Variants in HPR observed in about 807,000 individuals in gnomAD.
HPR encodes Haptoglobin-related locus.
A neutral mutation model predicts 18.5 loss-of-function variants in HPR; 17 were observed. That is an observed-to-expected ratio of 0.92 (90% CI 0.63 to 1.38). HPR has a LOEUF of 1.38. Ranked by LOEUF, HPR falls within the 40% of genes most tolerant of loss-of-function variation. The pLI is 0.00. For missense variants in HPR, 457 were observed against 432.4 expected (o/e 1.06, Z -0.51); for synonymous variants, 176 against 165.0 (o/e 1.07, Z -0.51).
In HPR at chr16:72,073,836, A is replaced by G. The variant is rs1428505251; in HGVS notation, c.6-56A>G. 1.9e-6 allele frequency: 3 copies of G among 1,611,818 alleles called. No homozygotes were observed. In the Admixed American group the frequency reaches 5.0e-5, roughly 27 times the overall value. On this transcript the variant is annotated intron_variant, in intron 1 of 4. Coordinates refer to ENST00000540303, the MANE Select transcript of HPR (RefSeq NM_020995.4). ...CATGCCTGTGTGTGTGGATGCATGC[A>G]TGTGCTGTGAAGCAGGGAGACCAGC... is the stretch of plus-strand genomic sequence containing the variant.
At chr16:72,069,793 T>C (rs758168011) in intron 1 of HPR, among the ~76,000 whole-genome samples, 2 of 152,220 alleles carry the variant, frequency 1.3e-5, no homozygotes, top group Non-Finnish European at 2.9e-5. Flanking sequence ...AAGTGTTCAA[T>C]TAATTATACT....
At chr16:72,063,338 A>T in intron 1 of HPR, 78 bp downstream of exon 1, 1 of 1,388,728 alleles carries the variant, frequency 7.2e-7, no homozygotes, top group South Asian at 1.4e-5. Flanking sequence ...GTACAGATGC[A>T]GAAATAGAAC....
intron 1 of HPR, 52 bp from the exon 2 acceptor site, chr16:72,073,840 G>A: frequency 6.2e-7 from 1 of 1,612,340 alleles, no homozygotes; most frequent in Non-Finnish European, 8.5e-7. Context: ...GCATGCATGT[G>A]CTGTGAAGCA....
rs2041725591 is a variant in HPR at position 72,076,473 on chromosome 16, T to C, written c.439T>C (p.Phe147Leu). ...GCTGCTGACCACGGCTAAAAATCTC[T>C]TCCTGAACCATTCAGAAAATGCAAC... is the stretch of plus-strand genomic sequence containing the variant. ...QWLLTTAKNLFLNHSENATAK... is the reference protein window; with the variant it reads ...QWLLTTAKNLLLNHSENATAK... Residue 147 changes from phenylalanine (F) to leucine (L), a missense_variant, in exon 5 of 5, where the codon TTC becomes CTC. Transcript: ENST00000540303. The C allele has an allele frequency of 3.7e-6, 6 of 1,613,736 alleles. No homozygotes were observed. Among genetic ancestry groups the C allele is most frequent in the African/African-American group, 1.3e-5 (1 of 74,946 alleles).
At chr16:72,075,262 C>T in intron 4 of HPR, 43 bp downstream of exon 4, 2 of 1,126,090 alleles carry the variant, frequency 1.8e-6, no homozygotes, top group Middle Eastern at 3.0e-4. Context: ...AGGCAGGCGT[C>T]CAGCGGGGAA....
chr16:72,076,235 T>C (rs1338733869), intron 4 of HPR, 68 bp from the exon 5 acceptor site: 1 of 1,594,252 alleles, frequency 6.3e-7, no homozygotes, highest in Non-Finnish European at 8.6e-7. Flanking sequence ...GCCAATGCTT[T>C]CACCCCTTTC....
Position 72,076,729 on chromosome 16 carries a change from T to C in HPR, c.695T>C (p.Phe232Ser), listed in dbSNP as rs1390902783. Residue 232 changes from phenylalanine (F) to serine (S), a missense_variant, in exon 5 of 5, where the codon TTT becomes TCT. Transcript: ENST00000540303. ...TCTGGCTGGGGACAAAGTGACAACTTTAAACTTACTGACCATCTGAAGTAT... is the reference window on the plus strand; with the variant it reads ...TCTGGCTGGGGACAAAGTGACAACTCTAAACTTACTGACCATCTGAAGTAT... The part of the protein sequence containing the change: ...YVSGWGQSDN[F>S]KLTDHLKYVM... 1 of 1,614,026 alleles carries C rather than the reference T, an allele frequency of 6.2e-7. No individual in the cohort carries two copies.
rs750573141 is a variant in HPR at position 72,076,382 on chromosome 16, C to T, written c.348C>T (p.Pro116=). The T allele has an allele frequency of 6.2e-7, 1 of 1,614,146 alleles. No homozygotes were observed. Among genetic ancestry groups the T allele is most frequent in the East Asian group, 2.2e-5 (1 of 44,854 alleles). The change falls in exon 5 of 5, where the codon CCC becomes CCT. Residue 116 remains proline, a synonymous_variant. Transcript: ENST00000540303. ...ACCTGGATGCCAAAGGCAGCTTTCC[C>T]TGGCAGGCTAAGATGGTTTCCCACC... ...GGHLDAKGSF[P]WQAKMVSHHN... is the part of the protein sequence containing the mutation.
chr16:72,073,666 A>C, intron 1 of HPR: 1 of 1,413,148 alleles, frequency 7.1e-7, no homozygotes, highest in Non-Finnish European at 9.3e-7. Flanking sequence ...GTATGCTCAG[A>C]AGCAGCTAAA....
intron 3 of HPR, 24 bp from the exon 4 acceptor site, chr16:72,075,121 C>T (rs1263277551): frequency 4.6e-6 from 4 of 871,570 alleles, no homozygotes; most frequent in African/African-American, 1.6e-5. Flanking sequence ...TTTCCTTTGG[C>T]TCATTTCTTG....
intron 1 of HPR, among the ~76,000 whole-genome samples, chr16:72,064,239 A>G (rs2041573974): frequency 6.6e-6 from 1 of 152,234 alleles, no homozygotes; most frequent in Non-Finnish European, 1.5e-5. Flanking sequence ...ACAAAATACT[A>G]GAAATAACCA....
At chr16:72,072,180 G>A (rs1363409892) in intron 1 of HPR, among the ~76,000 whole-genome samples, 1 of 151,996 alleles carries the variant, frequency 6.6e-6, no homozygotes, top group African/African-American at 2.4e-5. Flanking sequence ...GGCTAATTTT[G>A]TATTTTTAGT....
chr16:72,066,579 T>C (rs2041600678), intron 1 of HPR, among the ~76,000 whole-genome samples: 1 of 152,150 alleles, frequency 6.6e-6, no homozygotes, highest in Non-Finnish European at 1.5e-5. Flanking sequence ...AAGCATTTGA[T>C]ATACAACAGG....
intron 1 of HPR, among the ~76,000 whole-genome samples, chr16:72,066,413 T>C (rs774596301): frequency 6.6e-6 from 1 of 152,134 alleles, no homozygotes; most frequent in African/African-American, 2.4e-5. Flanking sequence ...ACCCTCCTGG[T>C]CAAAACGTTC....
intron 4 of HPR, among the ~76,000 whole-genome samples, 153 bp from the exon 5 acceptor site, chr16:72,076,150 A>G (rs189392035): frequency 6.6e-6 from 1 of 152,222 alleles, no homozygotes; most frequent in Non-Finnish European, 1.5e-5. Flanking sequence ...TAAAACTGCA[A>G]CTATTGGAAA....
At chr16:72,069,571 G>A (rs372073899) in intron 1 of HPR, among the ~76,000 whole-genome samples, 2 of 152,098 alleles carry the variant, frequency 1.3e-5, no homozygotes, top group Admixed American at 6.5e-5. Context: ...ATCCAAGCCC[G>A]TTATGTGGAA....
intron 1 of HPR, among the ~76,000 whole-genome samples, chr16:72,064,117 G>A (rs1011947685): frequency 1.7e-4 from 26 of 152,098 alleles, no homozygotes; most frequent in African/African-American, 5.1e-4. Flanking sequence ...GGCAGATGGC[G>A]CCTGTGTGTC....
Position 72,076,598 on chromosome 16 carries a change from T to C in HPR, c.564T>C (p.Asp188=). 1.2e-6 allele frequency: 2 copies of C among 1,614,200 alleles called. No individual in the cohort carries two copies. The highest frequency in any genetic ancestry group is 1.3e-5 in the African/African-American group (1 of 75,052). Residue 188 remains aspartate (D), a synonymous_variant, in exon 5 of 5, where the codon GAT becomes GAC. Coordinates refer to ENST00000540303, the MANE Select transcript of HPR (RefSeq NM_020995.4). ...VVLHPNYHQV[D]IGLIKLKQKV... is the part of the protein sequence containing the mutation. The stretch of plus-strand genomic sequence containing the variant: ...TACACCCTAACTACCACCAGGTAGA[T>C]ATTGGGCTCATCAAACTCAAACAGA...
At chr16:72,065,883 G>C (rs182068579) in intron 1 of HPR, among the ~76,000 whole-genome samples, 6 of 152,138 alleles carry the variant, frequency 3.9e-5, no homozygotes, top group Admixed American at 6.5e-5. Flanking sequence ...GTCTTCCTTT[G>C]CTTACTGCCC....
Sources: gnomAD v4.1 joint callset for allele counts (sites outside exome capture counted in the v4.1 genomes callset) on GRCh38, gnomAD v4.1.1 for gene constraint, MANE v1.5 for transcripts, NCBI Gene and HGNC (gene_info 2026-07-23, HGNC 2026-07-21) for gene names.